The following TMEM45A variants were observed in gnomAD, a reference collection of about 807,000 sequenced individuals.
TMEM45A encodes transmembrane protein 45A.
A neutral mutation model predicts 32.0 loss-of-function variants in TMEM45A; 25 were observed. The ratio of observed to expected loss-of-function variants is 0.78; its 90% confidence interval spans 0.57 to 1.09. TMEM45A has a LOEUF of 1.09. Ranked by LOEUF, TMEM45A falls within the 50% of genes least tolerant of loss-of-function variation. The pLI is 0.00. For missense variants in TMEM45A, 302 were observed against 325.0 expected (o/e 0.93, Z 0.54); for synonymous variants, 122 against 114.8 (o/e 1.06, Z -0.40).
At chr3:100,573,328 G>A (rs1706611025) in intron 5 of TMEM45A, 1 of 151,958 alleles carries the variant, frequency 6.6e-6, no homozygotes, top group Admixed American at 6.6e-5. Context: ...TCCCTTGTAA[G>A]TTGGATTCCT....
chr3:100,542,687 T>C (rs1559645652), intron 1 of TMEM45A, among the ~76,000 whole-genome samples: 2 of 152,192 alleles, frequency 1.3e-5, no homozygotes, highest in Non-Finnish European at 2.9e-5. Flanking sequence ...ATTTACATCA[T>C]GGAATACTAT....
intron 5 of TMEM45A, among the ~76,000 whole-genome samples, chr3:100,575,833 G>T (rs1024399813): frequency 1.3e-5 from 2 of 152,230 alleles, no homozygotes; most frequent in South Asian, 2.1e-4. Context: ...GCTGAATTTA[G>T]CCCAGACTTG....
At chr3:100,553,788 A>G (rs1390722677) in intron 1 of TMEM45A, among the ~76,000 whole-genome samples, 2 of 152,212 alleles carry the variant, frequency 1.3e-5, no homozygotes, top group Non-Finnish European at 2.9e-5. Flanking sequence ...ACATAGCACT[A>G]TGTGATATAT....
chr3:100,519,387 ATGTG>A (rs5851210), intron 1 of TMEM45A: 2,029 of 551,426 alleles, frequency 3.7e-3, no homozygotes, highest in Admixed American at 9.0e-3. Flanking sequence ...GTGTGTGTGC[ATGTG>A]TGTGTGTGTG....
At chr3:100,504,006 A>G (rs1418555354) in intron 1 of TMEM45A, among the ~76,000 whole-genome samples, 1 of 152,198 alleles carries the variant, frequency 6.6e-6, no homozygotes, top group Non-Finnish European at 1.5e-5. Flanking sequence ...GGTTTAATGC[A>G]GGTGGGCAGA....
intron 1 of TMEM45A, among the ~76,000 whole-genome samples, chr3:100,515,440 G>C (rs1048803219): frequency 1.4e-5 from 2 of 138,182 alleles, no homozygotes; most frequent in Non-Finnish European, 3.0e-5. Flanking sequence ...AGAACACATG[G>C]ACAGAGGAAG....
intron 1 of TMEM45A, among the ~76,000 whole-genome samples, chr3:100,530,579 A>G (rs1470892169): frequency 6.6e-6 from 1 of 152,216 alleles, no homozygotes; most frequent in Non-Finnish European, 1.5e-5. Flanking sequence ...CCAAATTGAC[A>G]CATAAAATTA....
chr3:100,571,319 C>T (rs1242826881), intron 5 of TMEM45A: 3 of 151,914 alleles, frequency 2.0e-5, no homozygotes, highest in South Asian at 4.2e-4. Flanking sequence ...TAAATGTCCA[C>T]GTGAGTACAT....
At chr3:100,542,268 A>T (rs770952002) in intron 1 of TMEM45A, among the ~76,000 whole-genome samples, 49 of 152,194 alleles carry the variant, frequency 3.2e-4, no homozygotes, top group Non-Finnish European at 7.1e-4. Flanking sequence ...AATGATATTG[A>T]TTCTTCCAAT....
chr3:100,503,501 A>C (rs1411826567), intron 1 of TMEM45A, among the ~76,000 whole-genome samples: 3 of 152,154 alleles, frequency 2.0e-5, no homozygotes, highest in Admixed American at 2.0e-4. Flanking sequence ...AAGTTTGGGA[A>C]CTTCTCTATA....
At chr3:100,554,629 C>A (rs1193494902) in intron 1 of TMEM45A, among the ~76,000 whole-genome samples, 1 of 152,012 alleles carries the variant, frequency 6.6e-6, no homozygotes, top group Admixed American at 6.5e-5. Flanking sequence ...ATTGTTTCTT[C>A]CATACACTTG....
At chr3:100,507,440 T>C (rs566032825) in intron 1 of TMEM45A, among the ~76,000 whole-genome samples, 5 of 152,326 alleles carry the variant, frequency 3.3e-5, no homozygotes, top group Non-Finnish European at 5.9e-5. Flanking sequence ...TGTTATTTGA[T>C]AGAAATTTTA....
intron 1 of TMEM45A, among the ~76,000 whole-genome samples, chr3:100,528,813 C>T (rs1705595161): frequency 6.6e-6 from 1 of 152,030 alleles, no homozygotes; most frequent in African/African-American, 2.4e-5. Context: ...ATTGTAGAAT[C>T]AATGAATTTA....
chr3:100,508,756 T>C (rs951939306), intron 1 of TMEM45A, among the ~76,000 whole-genome samples: 2 of 152,000 alleles, frequency 1.3e-5, no homozygotes, highest in Admixed American at 6.6e-5. Context: ...TGGATATTCA[T>C]GTGCAGAAGA....
At chr3:100,504,985 T>TGG (rs2148929952) in intron 1 of TMEM45A, among the ~76,000 whole-genome samples, 1 of 152,260 alleles carries the variant, frequency 6.6e-6, no homozygotes, top group African/African-American at 2.4e-5. Context: ...CCCCAGAAAA[T>TGG]GGGTCTGTCG....
At chr3:100,513,632 T>A (rs1481614619) in intron 1 of TMEM45A, among the ~76,000 whole-genome samples, 1 of 150,378 alleles carries the variant, frequency 6.6e-6, no homozygotes, top group Non-Finnish European at 1.5e-5. Context: ...CCAGGGCAAT[T>A]AGGCAGGAGA....
intron 1 of TMEM45A, among the ~76,000 whole-genome samples, chr3:100,547,487 A>C (rs1235087006): frequency 6.6e-6 from 1 of 152,174 alleles, no homozygotes; most frequent in African/African-American, 2.4e-5. Context: ...ATCATAAGGA[A>C]GATAAAATAT....
intron 1 of TMEM45A, among the ~76,000 whole-genome samples, chr3:100,542,153 T>C (rs1559645515): frequency 6.6e-6 from 1 of 152,180 alleles, no homozygotes; most frequent in African/African-American, 2.4e-5. Flanking sequence ...TTTGATTCCA[T>C]ATGAATTTCA....
chr3:100,560,065 GA>G (rs1706300697), intron 4 of TMEM45A, among the ~76,000 whole-genome samples: 1 of 152,090 alleles, frequency 6.6e-6, no homozygotes, highest in South Asian at 2.1e-4. Flanking sequence ...GGTGGAGGAT[GA>G]AACCAGGCTT....
Sources: gnomAD v4.1 joint callset for allele counts (sites outside exome capture counted in the v4.1 genomes callset) on GRCh38, gnomAD v4.1.1 for gene constraint, MANE v1.5 for transcripts, NCBI Gene and HGNC (gene_info 2026-07-23, HGNC 2026-07-21) for gene names.